The following SLIT1 variants were observed in gnomAD, a reference collection of about 807,000 sequenced individuals.
The protein encoded by SLIT1 is slit homolog 1 protein.
SLIT1 carries 66 observed loss-of-function variants against 186.1 expected under a neutral mutation model. That is an observed-to-expected ratio of 0.35 (90% confidence interval 0.29 to 0.44). The LOEUF (loss-of-function observed/expected upper bound fraction) is 0.44. Among genes scored for constraint, SLIT1 ranks in the 20% least tolerant of loss-of-function variants. The probability of loss-of-function intolerance (pLI) is 1.00; values close to 1 mark genes in which losing one functional copy is unlikely to be tolerated. For missense variants in SLIT1, 1,638 were observed against 2,037.4 expected (o/e 0.80, Z 3.77); for synonymous variants, 761 against 833.8 (o/e 0.91, Z 1.50).
chr10:97,113,443 G>A (rs1438245746), intron 4 of SLIT1, among the ~76,000 whole-genome samples: 2 of 151,828 alleles, frequency 1.3e-5, no homozygotes, highest in Non-Finnish European at 2.9e-5. Context: ...TCACTATGCT[G>A]GTCAGGCTTG....
intron 14 of SLIT1, 65 bp from the exon 15 acceptor site, chr10:97,048,061 C>T: frequency 3.2e-6 from 5 of 1,574,384 alleles, no homozygotes; most frequent in Non-Finnish European, 4.4e-6. Context: ...ACAGCCCAGG[C>T]CCCAGCCCCA....
In SLIT1 at chr10:97,004,043, G is replaced by A. The variant is rs1008374396; in HGVS notation, c.3865+25C>T. ...TGGCCTCAGGCCAGACAGCAAAAGAGGCCCCGCCAGGGCCAGGTCCTCACC... is the reference window on the plus strand; with the variant it reads ...TGGCCTCAGGCCAGACAGCAAAAGAAGCCCCGCCAGGGCCAGGTCCTCACC... On this transcript the variant is annotated intron_variant, in intron 34 of 36. Coordinates refer to ENST00000266058, the MANE Select transcript of SLIT1 (RefSeq NM_003061.3). The surrounding 1 kb of genome is among the most constrained non-coding windows in gnomAD (Gnocchi z 5.1). 2.5e-6 allele frequency: 4 copies of A among 1,587,024 alleles called. No homozygotes were observed. Among genetic ancestry groups the A allele is most frequent in the Non-Finnish European group, 3.4e-6 (4 of 1,160,070 alleles).
chr10:97,139,074 T>G (rs189482420), intron 4 of SLIT1, among the ~76,000 whole-genome samples: 179 of 152,306 alleles, frequency 1.2e-3, no homozygotes, highest in Non-Finnish European at 2.2e-4. Flanking sequence ...GGTGAATGAA[T>G]GCATCCATGC....
intron 4 of SLIT1, among the ~76,000 whole-genome samples, chr10:97,091,585 C>T (rs537880341): frequency 1.3e-5 from 2 of 152,348 alleles, no homozygotes; most frequent in South Asian, 2.1e-4. Flanking sequence ...CTTTACCATC[C>T]TGCTGGTCCC....
At chr10:97,034,603 C>T (rs374575321) in intron 22 of SLIT1, 61 bp from the exon 23 acceptor site, 121 of 1,434,628 alleles carry the variant, frequency 8.4e-5, no homozygotes, top group Non-Finnish European at 1.0e-4. Flanking sequence ...CTCACATTCA[C>T]GGGCTTCTTC....
chr10:97,168,920 C>T (rs1042150444), intron 1 of SLIT1, among the ~76,000 whole-genome samples: 4 of 152,068 alleles, frequency 2.6e-5, no homozygotes, highest in Admixed American at 1.3e-4. Context: ...CTCAAAAATC[C>T]CTGAGGATGG....
chr10:97,039,978 A>C lies in SLIT1; in HGVS notation c.2297+10T>G, dbSNP rs748824396. 13 of 1,613,472 alleles carry C rather than the reference A, an allele frequency of 8.1e-6. No individual in the cohort carries two copies. In the South Asian group the frequency reaches 1.4e-4, roughly 18 times the overall value. On this transcript the variant is annotated intron_variant, in intron 21 of 36. Coordinates refer to ENST00000266058, the MANE Select transcript of SLIT1 (RefSeq NM_003061.3). ...CCCACGTGAAGGGGGCAAGGCCTTGAGCTACTCACAGTTCTGTGACATTCT... is the reference window on the plus strand; with the variant it reads ...CCCACGTGAAGGGGGCAAGGCCTTGCGCTACTCACAGTTCTGTGACATTCT...
intron 25 of SLIT1, among the ~76,000 whole-genome samples, chr10:97,025,106 T>C (rs1004497068): frequency 5.3e-5 from 8 of 151,976 alleles, no homozygotes; most frequent in African/African-American, 1.7e-4. Flanking sequence ...CTTGTCTCTA[T>C]TAAAAATACA....
chr10:97,139,366 A>G (rs114364636), intron 4 of SLIT1, among the ~76,000 whole-genome samples: 3,000 of 152,310 alleles, frequency 0.02, 75 homozygotes, highest in African/African-American at 0.066. Flanking sequence ...CCTCAAACGG[A>G]GCATCCCCAT....
intron 13 of SLIT1, among the ~76,000 whole-genome samples, chr10:97,052,818 T>C (rs1848801736): frequency 1.3e-5 from 2 of 152,206 alleles, no homozygotes; most frequent in Non-Finnish European, 2.9e-5. Flanking sequence ...ACTGAACCAC[T>C]TGAGGTTGTA....
chr10:97,099,346 T>A (rs2636796), intron 4 of SLIT1, among the ~76,000 whole-genome samples: 1 of 152,102 alleles, frequency 6.6e-6, no homozygotes, highest in Non-Finnish European at 1.5e-5. Context: ...CTGGCCTGCC[T>A]CAGGTCGGCC....
chr10:97,069,330 C>T (rs1380265602), intron 4 of SLIT1, among the ~76,000 whole-genome samples: 1 of 152,226 alleles, frequency 6.6e-6, no homozygotes, highest in Non-Finnish European at 1.5e-5. Flanking sequence ...CTTGTGGATG[C>T]AGAGCTAACC....
chr10:97,131,609 A>C (rs552015333), intron 4 of SLIT1, among the ~76,000 whole-genome samples: 2 of 152,334 alleles, frequency 1.3e-5, no homozygotes, highest in African/African-American at 4.8e-5. Context: ...AGGTTTCCCA[A>C]ATGGCTCCAC....
At chr10:97,047,405 A>T (rs550232712) in intron 16 of SLIT1, among the ~76,000 whole-genome samples, 128 of 152,352 alleles carry the variant, frequency 8.4e-4, no homozygotes, top group South Asian at 3.7e-3. Flanking sequence ...ACAGAATAAG[A>T]CAAACGCATC....
intron 4 of SLIT1, among the ~76,000 whole-genome samples, chr10:97,084,963 G>A (rs1351235048): frequency 4.8e-4 from 57 of 119,392 alleles, no homozygotes; most frequent in Middle Eastern, 7.1e-3. Context: ...TCACTCTGTC[G>A]CCCAGGCTGG....
intron 28 of SLIT1, among the ~76,000 whole-genome samples, chr10:97,014,737 G>A (rs147359961): frequency 0.054 from 8,162 of 152,194 alleles, 281 homozygotes; most frequent in Middle Eastern, 0.092. Flanking sequence ...ATGGTGGCAT[G>A]TGCCTGTAAT....
chr10:97,128,405 GCTCA>G (rs1250624738), intron 4 of SLIT1, among the ~76,000 whole-genome samples: 1 of 152,246 alleles, frequency 6.6e-6, no homozygotes, highest in Non-Finnish European at 1.5e-5. Flanking sequence ...ACGTGTGCAT[GCTCA>G]CACTCTCCCC....
intron 1 of SLIT1, among the ~76,000 whole-genome samples, chr10:97,171,844 T>G (rs1414960395): frequency 1.3e-5 from 2 of 151,676 alleles, no homozygotes; most frequent in Non-Finnish European, 2.9e-5. Flanking sequence ...CTCCTTACCA[T>G]GAACTACAAG....
At chr10:97,164,777 G>T in intron 2 of SLIT1, 42 bp downstream of exon 2, 1 of 1,448,838 alleles carries the variant, frequency 6.9e-7, no homozygotes, top group Non-Finnish European at 9.7e-7. Flanking sequence ...GACTGCCGTG[G>T]CATTGCCAGG....
Sources: allele counts gnomAD v4.1 joint callset (sites outside exome capture counted in the v4.1 genomes callset), GRCh38; gene constraint gnomAD v4.1.1; non-coding constraint Gnocchi (gnomAD v3.1); transcripts MANE v1.5; gene names NCBI Gene and HGNC (gene_info 2026-07-23, HGNC 2026-07-21).